The following MADD variants were observed in gnomAD, a reference collection of about 807,000 sequenced individuals.
MADD encodes the protein MAP kinase-activating death domain protein.
In MADD, 109 loss-of-function variants were observed where a neutral mutation model predicts 176.7. The ratio of observed to expected loss-of-function variants is 0.62; its 90% confidence interval spans 0.53 to 0.72. MADD has a LOEUF of 0.72. MADD is among the 30% of genes least tolerant of loss of function. MADD has a pLI of 0.00. For synonymous variants in MADD, 771 were observed against 771.3 expected (o/e 1.00, Z 0.01); for missense variants, 1,914 against 2,045.5 (o/e 0.94, Z 1.24).
At chr11:47,283,075 T>C in intron 10 of MADD, 106 bp downstream of exon 10, 1 of 910,790 alleles carries the variant, frequency 1.1e-6, no homozygotes, top group South Asian at 3.7e-5. Context: ...CATATCAGTG[T>C]TTTTAATTTT....
exon 9 of MADD, chr11:47,282,402 C>T (rs775367783): frequency 1.2e-6 from 2 of 1,614,084 alleles, no homozygotes; most frequent in Admixed American, 3.3e-5. Context: ...TACGGTTCTT[C>T]AATTCCGCCA....
At chr11:47,324,694 A>T (rs564182292) in intron 30 of MADD, 117 bp downstream of exon 33, 1 of 762,402 alleles carries the variant, frequency 1.3e-6, no homozygotes, top group African/African-American at 1.7e-5. Flanking sequence ...AGCTAGAGGG[A>T]GAACTGGAGC....
exon 3 of MADD, chr11:47,274,711 C>T: frequency 6.2e-7 from 1 of 1,614,210 alleles, no homozygotes; most frequent in South Asian, 1.1e-5. Flanking sequence ...GCGCATGAGC[C>T]TTCGGGATGA....
exon 25 of MADD, chr11:47,309,589 A>G (rs35462489): frequency 6.2e-6 from 10 of 1,613,792 alleles, no homozygotes; most frequent in Middle Eastern, 1.6e-4. Flanking sequence ...GCACAACCTC[A>G]TCTCCTACAT....
chr11:47,282,534 A>G, exon 9 of MADD: 3 of 1,614,164 alleles, frequency 1.9e-6, no homozygotes, highest in Non-Finnish European at 2.5e-6. Context: ...TTGCCGAGAA[A>G]TTGGCCAGGA....
chr11:47,301,028 C>CTT (rs796793022), intron 22 of MADD, among the ~76,000 whole-genome samples: 28 of 111,628 alleles, frequency 2.5e-4, no homozygotes, highest in African/African-American at 7.1e-4. Context: ...CACTCTCTCT[C>CTT]TTTTTTTTTT....
intron 22 of MADD, among the ~76,000 whole-genome samples, chr11:47,301,659 A>G (rs1312481345): frequency 6.6e-6 from 1 of 152,032 alleles, no homozygotes; most frequent in Non-Finnish European, 1.5e-5. Context: ...GAAATTTTTA[A>G]ATTTCCTTCT....
intron 27 of MADD, among the ~76,000 whole-genome samples, chr11:47,318,789 ATTTTTTTTTTTTTT>A (rs57548484): frequency 9.7e-5 from 8 of 82,482 alleles, no homozygotes; most frequent in Middle Eastern, 6.9e-3. Context: ...CAGTTTGGGA[ATTTTTTTTTTTTTT>A]TTTTTTTTTT....
At chr11:47,288,904 C>T in intron 15 of MADD, 64 bp from the exon 16 acceptor site, 1 of 1,178,546 alleles carries the variant, frequency 8.5e-7, no homozygotes, top group Non-Finnish European at 1.2e-6. Flanking sequence ...CTTACTGCTC[C>T]TCGGAGGGGT....
chr11:47,290,637 C>A, exon 19 of MADD: 5 of 1,613,900 alleles, frequency 3.1e-6, no homozygotes, highest in Non-Finnish European at 4.2e-6. Context: ...AGAAGTCCAA[C>A]AGAAAGTGTA....
At chr11:47,321,719 G>C (rs2141925100) in intron 27 of MADD, among the ~76,000 whole-genome samples, 1 of 152,238 alleles carries the variant, frequency 6.6e-6, no homozygotes, top group South Asian at 2.1e-4. Flanking sequence ...GAGCAGTCAG[G>C]GATATTTGAG....
exon 9 of MADD, chr11:47,282,521 C>G: frequency 1.2e-6 from 2 of 1,614,202 alleles, no homozygotes; most frequent in African/African-American, 1.3e-5. Flanking sequence ...CGGCAGACTC[C>G]TTTTGCCGAG....
exon 3 of MADD, chr11:47,274,789 T>G (rs1761846956): frequency 1.2e-6 from 2 of 1,614,098 alleles, no homozygotes; most frequent in Admixed American, 3.3e-5. Flanking sequence ...CTGTGTTAAC[T>G]TCTACCGCTC....
Position 47,294,474 on chromosome 11 carries a change from A to G in MADD, c.3402+491A>G, listed in dbSNP as rs187802508. On this transcript the variant is annotated intron_variant, in intron 20 of 32. Transcript: ENST00000402192. ...AGGTCAGGAGTTGGAGTTGGAGACC[A>G]GCCTGGCCAACGTAGTGAAACCCCG... is the stretch of plus-strand genomic sequence containing the variant. Among the ~76,000 whole-genome samples the G allele has an allele frequency of 1.4e-3, 214 of 152,152 alleles. 2 individuals carry two copies. Among genetic ancestry groups the G allele is most frequent in the African/African-American group, 4.8e-3 (199 of 41,530 alleles).
At chr11:47,297,170 G>A (rs931125165) in intron 22 of MADD, among the ~76,000 whole-genome samples, 1 of 152,154 alleles carries the variant, frequency 6.6e-6, no homozygotes, top group Non-Finnish European at 1.5e-5. Flanking sequence ...GAGCTTATAC[G>A]CATAGGTCCT....
intron 5 of MADD, among the ~76,000 whole-genome samples, 195 bp downstream of exon 5, chr11:47,277,058 G>A (rs540365558): frequency 2.6e-4 from 40 of 152,194 alleles, no homozygotes; most frequent in Non-Finnish European, 4.9e-4. Context: ...CACAACAAAT[G>A]TTAATGACTG....
At chr11:47,310,920 A>AG (rs1565503813) in intron 25 of MADD, among the ~76,000 whole-genome samples, 1 of 151,980 alleles carries the variant, frequency 6.6e-6, no homozygotes, top group Admixed American at 6.6e-5. Flanking sequence ...AAAAAAAAAA[A>AG]AAAGAAATGA....
intron 22 of MADD, among the ~76,000 whole-genome samples, chr11:47,305,045 C>G (rs1368584910): frequency 6.6e-6 from 1 of 152,148 alleles, no homozygotes; most frequent in Non-Finnish European, 1.5e-5. Flanking sequence ...CCTCAAGAGT[C>G]CTAGGCTATA....
intron 19 of MADD, among the ~76,000 whole-genome samples, chr11:47,293,657 A>G (rs1326823603): frequency 6.6e-6 from 1 of 152,190 alleles, no homozygotes; most frequent in Admixed American, 6.5e-5. Flanking sequence ...CAGGTTGAGA[A>G]GATGGCTGGA....
Sources: allele counts gnomAD v4.1 joint callset (sites outside exome capture counted in the v4.1 genomes callset), GRCh38; gene constraint gnomAD v4.1.1; transcripts MANE v1.5; gene names NCBI Gene and HGNC (gene_info 2026-07-23, HGNC 2026-07-21).